SPHKAP: variants seen among roughly 807,000 people sequenced by gnomAD.
SPHKAP encodes the protein A-kinase anchor protein SPHKAP.
Under a neutral mutation model 137.5 loss-of-function variants are expected in SPHKAP, and 67 were observed. The ratio of observed to expected loss-of-function variants is 0.49; its 90% CI spans 0.40 to 0.60. The LOEUF is 0.60. SPHKAP is among the 20% of genes least tolerant of loss of function. SPHKAP has a pLI of 0.00. For missense variants in SPHKAP, 2,097 were observed against 2,069.3 expected, an observed-to-expected ratio of 1.01 and a Z score of -0.26; for synonymous variants, 813 against 785.3, an observed-to-expected ratio of 1.04 and a Z score of -0.59.
At chr2:228,047,004 C>T (rs1696085365) in intron 3 of SPHKAP, among the ~76,000 whole-genome samples, 1 of 152,152 alleles carries the variant, frequency 6.6e-6, no homozygotes, top group African/African-American at 2.4e-5. Context: ...TCAAATAGCT[C>T]TTGCCAAATA....
chr2:228,118,619 A>T (rs1316011635), intron 2 of SPHKAP, among the ~76,000 whole-genome samples: 1 of 152,022 alleles, frequency 6.6e-6, no homozygotes, highest in Non-Finnish European at 1.5e-5. Flanking sequence ...CCATTTTAAG[A>T]TATCTTTTTT....
intron 3 of SPHKAP, among the ~76,000 whole-genome samples, chr2:228,036,259 G>A (rs1695588843): frequency 6.6e-6 from 1 of 152,002 alleles, no homozygotes; most frequent in Non-Finnish European, 1.5e-5. Context: ...AGACATTTAT[G>A]CAGCCAAAAA....
intron 1 of SPHKAP, among the ~76,000 whole-genome samples, chr2:228,155,415 AG>A (rs1238956884): frequency 6.6e-6 from 1 of 152,224 alleles, no homozygotes; most frequent in Non-Finnish European, 1.5e-5. Flanking sequence ...AAACAGAAAA[AG>A]TTTACTCACT....
chr2:228,172,499 GGGTCTT>G (rs1157673196), intron 1 of SPHKAP, among the ~76,000 whole-genome samples: 1 of 152,128 alleles, frequency 6.6e-6, no homozygotes, highest in Non-Finnish European at 1.5e-5. Context: ...GTAGTGATAA[GGGTCTT>G]TGGAAGTCTA....
intron 3 of SPHKAP, among the ~76,000 whole-genome samples, chr2:228,044,910 AAAC>A (rs1695978625): frequency 6.6e-6 from 1 of 152,064 alleles, no homozygotes; most frequent in Non-Finnish European, 1.5e-5. Context: ...AGAAAATAAC[AAAC>A]AACCCCATCA....
chr2:228,023,504 T>C (rs2106223179), intron 5 of SPHKAP, among the ~76,000 whole-genome samples: 1 of 152,352 alleles, frequency 6.6e-6, no homozygotes, highest in South Asian at 2.1e-4. Context: ...ACAAAGTATC[T>C]GTGATCCCCC....
intron 1 of SPHKAP, among the ~76,000 whole-genome samples, chr2:228,144,157 A>C (rs1199093725): frequency 6.6e-6 from 1 of 152,022 alleles, no homozygotes; most frequent in East Asian, 1.9e-4. Context: ...CCTAACTAGA[A>C]TTGCCACACA....
intron 1 of SPHKAP, among the ~76,000 whole-genome samples, chr2:228,172,363 T>A (rs1432740959): frequency 6.6e-6 from 1 of 152,176 alleles, no homozygotes; most frequent in African/African-American, 2.4e-5. Context: ...GTATTTATTG[T>A]TATTATCTGG....
rs189741808 is a variant in SPHKAP at position 228,072,253 on chromosome 2, T to C, written c.246+36579A>G. Among the ~76,000 whole-genome samples the C allele has an allele frequency of 3.1e-3, 478 of 152,336 alleles. 1 individual carries two copies. Among genetic ancestry groups the C allele is most frequent in the African/African-American group, 0.011 (452 of 41,578 alleles). ...TCCTGGGTCTACAGCCTGCAGATCA[T>C]GAAACTTCTCAGTCTCCAGAATCAC... On this transcript the variant is annotated intron_variant, in intron 3 of 11. Coordinates refer to ENST00000392056, the MANE Select transcript of SPHKAP (RefSeq NM_001142644.2).
At chr2:228,124,988 G>A (rs1176614560) in intron 2 of SPHKAP, among the ~76,000 whole-genome samples, 2 of 152,134 alleles carry the variant, frequency 1.3e-5, no homozygotes, top group Non-Finnish European at 2.9e-5. Flanking sequence ...GACCAAGAAC[G>A]CTCTTGAAAC....
chr2:228,114,034 G>T (rs879710988), intron 2 of SPHKAP, among the ~76,000 whole-genome samples: 2 of 152,102 alleles, frequency 1.3e-5, no homozygotes, highest in South Asian at 2.1e-4. Flanking sequence ...CAACAATTTT[G>T]AAGCTTTATG....
chr2:228,018,281 T>C lies in SPHKAP; in HGVS notation c.2573A>G (p.Glu858Gly), dbSNP rs747449727. 1 of 1,614,172 alleles carries C rather than the reference T, an allele frequency of 6.2e-7. No individual in the cohort carries two copies. The highest frequency in any genetic ancestry group is 8.5e-7 in the Non-Finnish European group (1 of 1,180,026). Residue 858 changes from glutamate (E) to glycine (G), a missense_variant, in exon 7 of 12, where the codon GAA (glutamate) becomes GGA (glycine). Glu to Gly is a moderately conservative substitution (Grantham distance 98). Transcript: ENST00000392056. ...GCTGACCGTTGGGGACCTTTGTCCT[T>C]CGGAAGAGGCTCTGCATTCATTCTC... ...HSENECRASS[E>G]GQRSPTVSQS...
intron 7 of SPHKAP, among the ~76,000 whole-genome samples, chr2:228,014,971 C>A (rs1021861988): frequency 4.6e-4 from 70 of 151,716 alleles, no homozygotes; most frequent in African/African-American, 1.7e-3. Flanking sequence ...GCACAAAGTG[C>A]AGGTTAGTTA....
intron 2 of SPHKAP, among the ~76,000 whole-genome samples, chr2:228,113,608 T>TCTCTCTCTCC (rs1698592986): frequency 5.0e-5 from 3 of 59,658 alleles, no homozygotes; most frequent in Non-Finnish European, 9.4e-5. Flanking sequence ...TAGCCATCTC[T>TCTCTCTCTCC]CTCTCTCTCT....
chr2:228,113,618 T>C (rs954631615), intron 2 of SPHKAP, among the ~76,000 whole-genome samples: 1 of 138,152 alleles, frequency 7.2e-6, no homozygotes, highest in Non-Finnish European at 1.5e-5. Context: ...TCTCTCTCTC[T>C]CTCTCTCTCT....
chr2:228,177,012 A>C (rs1225263221), intron 1 of SPHKAP, among the ~76,000 whole-genome samples: 4 of 152,230 alleles, frequency 2.6e-5, no homozygotes, highest in Non-Finnish European at 5.9e-5. Flanking sequence ...AGTTCAAATG[A>C]GTAGCACTAG....
intron 1 of SPHKAP, among the ~76,000 whole-genome samples, chr2:228,158,094 T>C (rs1398920751): frequency 1.3e-5 from 2 of 152,120 alleles, no homozygotes; most frequent in Non-Finnish European, 2.9e-5. Context: ...CAGATTCATT[T>C]CTTCCATGAC....
intron 11 of SPHKAP, among the ~76,000 whole-genome samples, chr2:227,988,305 A>G (rs1005288601): frequency 2.0e-5 from 3 of 152,218 alleles, no homozygotes; most frequent in African/African-American, 4.8e-5. Flanking sequence ...CTAAGATTAC[A>G]TTATTTAGAA....
intron 6 of SPHKAP, among the ~76,000 whole-genome samples, chr2:228,021,047 A>G (rs1198427562): frequency 6.6e-6 from 1 of 152,168 alleles, no homozygotes; most frequent in Non-Finnish European, 1.5e-5. Context: ...AGTTTGCATG[A>G]GACTTGTCCC....
Sources: allele counts gnomAD v4.1 joint callset (sites outside exome capture counted in the v4.1 genomes callset), GRCh38; gene constraint gnomAD v4.1.1; transcripts MANE v1.5; gene names NCBI Gene and HGNC (gene_info 2026-07-23, HGNC 2026-07-21).